TRPC7: variants seen among roughly 807,000 people sequenced by gnomAD.
TRPC7 encodes transient receptor potential cation channel subfamily C member 7.
In TRPC7, 42 loss-of-function variants were observed where a neutral mutation model predicts 90.1. The observed-to-expected ratio is 0.47, with a 90% CI of 0.36 to 0.60. TRPC7 has a LOEUF of 0.60. Among genes scored for constraint, TRPC7 ranks in the 20% least tolerant of loss-of-function variants. The pLI, the probability that TRPC7 is intolerant of heterozygous loss-of-function variation, is 0.00. For synonymous variants in TRPC7, 451 were observed against 436.3 expected (o/e 1.03, Z -0.42); for missense variants, 955 against 1,112.3 (o/e 0.86, Z 2.01).
chr5:136,224,488 C>T (rs1365960902), intron 10 of TRPC7, among the ~76,000 whole-genome samples: 1 of 152,082 alleles, frequency 6.6e-6, no homozygotes. Context: ...GCTGGGTGTG[C>T]CTCGCCCTCC....
chr5:136,256,894 C>G (rs143294006), intron 5 of TRPC7, among the ~76,000 whole-genome samples: 7 of 152,258 alleles, frequency 4.6e-5, no homozygotes, highest in East Asian at 1.9e-4. Flanking sequence ...TTTTCCCAGA[C>G]ATTAACCCAA....
At chr5:136,343,336 G>A (rs1759902221) in intron 2 of TRPC7, among the ~76,000 whole-genome samples, 1 of 152,210 alleles carries the variant, frequency 6.6e-6, no homozygotes, top group Non-Finnish European at 1.5e-5. Flanking sequence ...GAAGGAGATT[G>A]GTAGGGCCTT....
chr5:136,215,658 T>TA (rs1223990036), intron 11 of TRPC7, among the ~76,000 whole-genome samples: 1 of 151,746 alleles, frequency 6.6e-6, no homozygotes, highest in Non-Finnish European at 1.5e-5. Flanking sequence ...CCATCTCTAC[T>TA]AAAAAAATAC....
At chr5:136,292,312 T>C (rs1757986386) in intron 3 of TRPC7, among the ~76,000 whole-genome samples, 1 of 151,612 alleles carries the variant, frequency 6.6e-6, no homozygotes, top group Non-Finnish European at 1.5e-5. Flanking sequence ...CTGAAGGAAA[T>C]AGAGACACAA....
rs749813863 is a variant in TRPC7, at chr5:136,357,312, T to A, written c.76A>T (p.Ile26Phe). ...TLREKGRRQA[I>F]RGPAYMFNEK... ...TTGAACATGTAGGCGGGACCCCGGA[T>A]GGCCTGGCGACGGCCCTTCTCCCTC... Residue 26 changes from isoleucine to phenylalanine, a missense_variant, in exon 2 of 12, where the codon ATC (isoleucine) becomes TTC (phenylalanine). Coordinates refer to ENST00000513104, the MANE Select transcript of TRPC7 (RefSeq NM_020389.3). The A allele has an allele frequency of 6.2e-7, 1 of 1,609,522 alleles. No homozygotes were observed. The highest frequency in any genetic ancestry group is 1.1e-5 in the South Asian group (1 of 91,086).
At chr5:136,298,939 CTA>C (rs749603780) in intron 3 of TRPC7, among the ~76,000 whole-genome samples, 2 of 152,094 alleles carry the variant, frequency 1.3e-5, no homozygotes, top group Non-Finnish European at 2.9e-5. Flanking sequence ...AGGGCAGAGA[CTA>C]TGCCTGGCTT....
At chr5:136,277,903 T>C (rs1379729535) in intron 3 of TRPC7, among the ~76,000 whole-genome samples, 1 of 152,232 alleles carries the variant, frequency 6.6e-6, no homozygotes, top group Non-Finnish European at 1.5e-5. Flanking sequence ...TGCCTAGATT[T>C]TCCCAGCGAC....
At chr5:136,275,938 CTCTT>C (rs1580890011) in intron 3 of TRPC7, among the ~76,000 whole-genome samples, 2 of 152,236 alleles carry the variant, frequency 1.3e-5, no homozygotes, top group East Asian at 3.9e-4. Context: ...AGTGTTTGAC[CTCTT>C]TAGGGCCCAG....
At chr5:136,269,593 T>A (rs1561695131) in intron 4 of TRPC7, among the ~76,000 whole-genome samples, 1 of 152,190 alleles carries the variant, frequency 6.6e-6, no homozygotes, top group Non-Finnish European at 1.5e-5. Flanking sequence ...CAAATGCCAC[T>A]CTCGCTTTCC....
At chr5:136,223,561 C>T (rs922531112) in intron 10 of TRPC7, among the ~76,000 whole-genome samples, 7 of 151,544 alleles carry the variant, frequency 4.6e-5, no homozygotes, top group East Asian at 1.9e-4. Flanking sequence ...TGCAGCGAGC[C>T]GAGATCGCAC....
chr5:136,231,806 T>C (rs1755824474), intron 7 of TRPC7, among the ~76,000 whole-genome samples: 1 of 152,190 alleles, frequency 6.6e-6, no homozygotes, highest in East Asian at 1.9e-4. Flanking sequence ...GATCCCACTA[T>C]GTCGCCCAGG....
In TRPC7 at chr5:136,357,469, A is replaced by C. The variant is rs868490500; in HGVS notation, c.3-84T>G. On this transcript the variant is annotated intron_variant, in intron 1 of 11. Transcript: ENST00000513104. ...ACACAAAAATGGTTGAGATACACAA[A>C]GAATATCATGCTTGGAATCTTATGA... 20 of 1,338,540 alleles carry C rather than the reference A, an allele frequency of 1.5e-5. No individual in the cohort carries two copies. In the Middle Eastern group the frequency reaches 2.9e-3, roughly 192 times the overall value. The allele number at this position is 1,338,540 out of a possible 1,614,324, so 82.9% of individuals were successfully genotyped here. A position where few individuals can be genotyped will look rare whatever the true frequency, so the allele number is the denominator to read the frequency against.
chr5:136,284,046 T>G (rs933939414), intron 3 of TRPC7, among the ~76,000 whole-genome samples: 2 of 152,232 alleles, frequency 1.3e-5, no homozygotes, highest in African/African-American at 4.8e-5. Context: ...ATCCAAGGCT[T>G]CAGTTTGGAC....
At chr5:136,330,800 C>T (rs552787192) in intron 2 of TRPC7, among the ~76,000 whole-genome samples, 9 of 152,246 alleles carry the variant, frequency 5.9e-5, no homozygotes, top group African/African-American at 1.7e-4. Flanking sequence ...ATGGAACAGG[C>T]GGCTCCTATT....
At position 136,357,132 on chromosome 5, in the gene TRPC7, C is replaced by T. The variant is rs1274493309; in HGVS notation, c.256G>A (p.Val86Met). The T allele has an allele frequency of 2.5e-6, 4 of 1,614,128 alleles. No individual in the cohort carries two copies. Among genetic ancestry groups the T allele is most frequent in the Non-Finnish European group, 3.4e-6 (4 of 1,180,038 alleles). Residue 86 changes from valine to methionine, a missense_variant, in exon 2 of 12, where the codon GTG becomes ATG. Val to Met is a conservative substitution (Grantham distance 21, BLOSUM62 1). Transcript: ENST00000513104. Reference protein sequence around the residue: ...YMGQNALQLAVGNEHLEVTEL... With the variant: ...YMGQNALQLAMGNEHLEVTEL... ...GTGACCTCTAGGTGCTCGTTGCCCA[C>T]GGCCAGCTGCAGAGCGTTCTGCCCC...
At chr5:136,341,812 A>T (rs1174808472) in intron 2 of TRPC7, among the ~76,000 whole-genome samples, 4 of 152,188 alleles carry the variant, frequency 2.6e-5, no homozygotes, top group Non-Finnish European at 5.9e-5. Flanking sequence ...CCAGTTACAG[A>T]TCCAGCAGCA....
chr5:136,327,626 G>C (rs1287119857), intron 2 of TRPC7, among the ~76,000 whole-genome samples: 1 of 152,196 alleles, frequency 6.6e-6, no homozygotes, highest in Non-Finnish European at 1.5e-5. Flanking sequence ...GGAGAATCAC[G>C]TGCAGGTTCT....
intron 7 of TRPC7, among the ~76,000 whole-genome samples, chr5:136,243,332 G>A (rs368906025): frequency 6.6e-6 from 1 of 151,950 alleles, no homozygotes; most frequent in Admixed American, 6.6e-5. Flanking sequence ...AATGGGGTTG[G>A]GGGGAGGTCA....
chr5:136,213,386 A>C lies in TRPC7; in HGVS notation c.*49T>G. On this transcript the variant is annotated 3_prime_UTR_variant, in exon 12 of 12. Coordinates refer to ENST00000513104, the MANE Select transcript of TRPC7 (RefSeq NM_020389.3). ...ACCAAGGATGGGGGCGAGGGCATCC[A>C]ACCTGGCCTTGGAATGCTGGTAGAA... is the stretch of plus-strand genomic sequence containing the variant. 1 of 1,600,030 alleles carries C rather than the reference A, an allele frequency of 6.2e-7. No homozygotes were observed. The highest frequency in any genetic ancestry group is 8.5e-7 in the Non-Finnish European group (1 of 1,172,256).
Sources: gnomAD v4.1 joint callset for allele counts (sites outside exome capture counted in the v4.1 genomes callset) on GRCh38, gnomAD v4.1.1 for gene constraint, MANE v1.5 for transcripts, NCBI Gene and HGNC (gene_info 2026-07-23, HGNC 2026-07-21) for gene names.